SPMIP11: variants seen among roughly 807,000 people sequenced by gnomAD.
The protein encoded by SPMIP11 is sperm microtubule inner protein 11.
the SPMIP11 span, among the ~76,000 whole-genome samples, chr12:48,753,564 T>C: frequency 2.6e-5 from 4 of 152,026 alleles, no homozygotes; most frequent in African/African-American, 9.7e-5. Flanking sequence ...TTCTGCTCAA[T>C]CTCCTAGTCT....
the SPMIP11 span, chr12:48,768,179 T>C: frequency 3.6e-6 from 1 of 278,020 alleles, no homozygotes; most frequent in East Asian, 9.8e-5. Flanking sequence ...TTGTACAAAA[T>C]ATTCCCAGGA....
At chr12:48,743,928 C>G in the SPMIP11 span, among the ~76,000 whole-genome samples, 6 of 80,742 alleles carry the variant, frequency 7.4e-5, no homozygotes, top group African/African-American at 1.9e-4. Context: ...AGCAAGACTT[C>G]GTCTCAAAAA....
chr12:48,731,513 A>G, the SPMIP11 span, among the ~76,000 whole-genome samples: 4 of 152,004 alleles, frequency 2.6e-5, no homozygotes, highest in Admixed American at 2.6e-4. Flanking sequence ...AGAATTATTC[A>G]CTTCTCCCCA....
At chr12:48,750,785 A>C in the SPMIP11 span, among the ~76,000 whole-genome samples, 1 of 152,150 alleles carries the variant, frequency 6.6e-6, no homozygotes, top group Admixed American at 6.6e-5. Context: ...CAAGCTAAAC[A>C]ATCTTGAAAG....
At chr12:48,734,728 G>T in the SPMIP11 span, among the ~76,000 whole-genome samples, 3 of 152,136 alleles carry the variant, frequency 2.0e-5, 1 homozygote, top group South Asian at 6.2e-4. Context: ...TTGGCCAGGC[G>T]CAGTGGCTCA....
chr12:48,732,225 TA>T, the SPMIP11 span, among the ~76,000 whole-genome samples: 1 of 151,774 alleles, frequency 6.6e-6, no homozygotes, highest in African/African-American at 2.4e-5. Context: ...AGTTCAAACA[TA>T]TTCTTCCAAA....
the SPMIP11 span, among the ~76,000 whole-genome samples, chr12:48,754,166 C>T: frequency 1.3e-5 from 2 of 152,106 alleles, no homozygotes; most frequent in Non-Finnish European, 2.9e-5. Flanking sequence ...TGTGTGAGGC[C>T]GAGGCAGGAA....
chr12:48,738,952 T>G, the SPMIP11 span, among the ~76,000 whole-genome samples: 1 of 151,800 alleles, frequency 6.6e-6, no homozygotes, highest in Non-Finnish European at 1.5e-5. Context: ...TTTTTCTTCA[T>G]GAAGAAGATA....
At chr12:48,749,398 G>GT in the SPMIP11 span, among the ~76,000 whole-genome samples, 5 of 152,044 alleles carry the variant, frequency 3.3e-5, no homozygotes, top group African/African-American at 1.2e-4. Context: ...GGTGGCCGAG[G>GT]CAGGTGGATC....
At chr12:48,769,589 C>CTTT in the SPMIP11 span, among the ~76,000 whole-genome samples, 10 of 138,848 alleles carry the variant, frequency 7.2e-5, no homozygotes, top group African/African-American at 2.4e-4. Flanking sequence ...CCTTTCTTTT[C>CTTT]TTTTTTTTTT....
the SPMIP11 span, among the ~76,000 whole-genome samples, chr12:48,761,164 C>T: frequency 6.6e-6 from 1 of 151,372 alleles, no homozygotes; most frequent in Non-Finnish European, 1.5e-5. Flanking sequence ...ATAAAACATA[C>T]ACCTGGGCAC....
the SPMIP11 span, among the ~76,000 whole-genome samples, chr12:48,733,383 G>A: frequency 6.6e-6 from 1 of 151,926 alleles, no homozygotes; most frequent in East Asian, 1.9e-4. Context: ...CTCACATAGT[G>A]AACTTTAAAT....
At chr12:48,749,744 T>C in the SPMIP11 span, among the ~76,000 whole-genome samples, 1 of 144,168 alleles carries the variant, frequency 6.9e-6, no homozygotes, top group East Asian at 2.2e-4. Flanking sequence ...CAGGCTGGAG[T>C]GCAGTGGCCC....
chr12:48,770,808 G>A, the SPMIP11 span: 2 of 1,614,192 alleles, frequency 1.2e-6, no homozygotes, highest in South Asian at 1.1e-5. Context: ...TCATTGATGT[G>A]CTTCATCTGC....
At chr12:48,771,209 C>T in the SPMIP11 span, 2 of 571,034 alleles carry the variant, frequency 3.5e-6, no homozygotes, top group Non-Finnish European at 3.1e-6. This position sits in a 1 kb window ranked among gnomAD's most constrained non-coding sequence, Gnocchi z 4.3. Flanking sequence ...TCACAGAACA[C>T]AGACCCACAA....
At chr12:48,765,269 G>A in the SPMIP11 span, among the ~76,000 whole-genome samples, 1 of 152,120 alleles carries the variant, frequency 6.6e-6, no homozygotes, top group South Asian at 2.1e-4. Flanking sequence ...TGCTGCCTTC[G>A]TCGCTACCTC....
chr12:48,762,770 G>C, the SPMIP11 span, among the ~76,000 whole-genome samples: 2 of 152,170 alleles, frequency 1.3e-5, no homozygotes, highest in Admixed American at 1.3e-4. Flanking sequence ...GCCAGCTCCA[G>C]GATGGGTGGT....
the SPMIP11 span, among the ~76,000 whole-genome samples, chr12:48,759,056 A>G: frequency 6.6e-6 from 1 of 152,204 alleles, no homozygotes; most frequent in Non-Finnish European, 1.5e-5. Context: ...CCTCTGTCAC[A>G]GCCATGGTGA....
the SPMIP11 span, among the ~76,000 whole-genome samples, chr12:48,754,812 T>TCA: frequency 5.3e-4 from 79 of 149,038 alleles, 1 homozygote; most frequent in Non-Finnish European, 6.9e-4. Context: ...AGTGGCACAA[T>TCA]CACAGCCCAC....
Sources: allele counts gnomAD v4.1 joint callset (sites outside exome capture counted in the v4.1 genomes callset), GRCh38; gene constraint gnomAD v4.1.1; non-coding constraint Gnocchi (gnomAD v3.1); transcripts MANE v1.5; gene names NCBI Gene and HGNC (gene_info 2026-07-23, HGNC 2026-07-21).